CLIP2: variants seen among roughly 807,000 people sequenced by gnomAD.
The protein encoded by CLIP2 is CAP-Gly domain-containing linker protein 2.
Under a neutral mutation model 111.7 loss-of-function variants are expected in CLIP2, and 41 were observed. The ratio of observed to expected loss-of-function variants is 0.37; its 90% CI spans 0.29 to 0.48. The LOEUF (loss-of-function observed/expected upper bound fraction) is 0.48. Among genes scored for constraint, CLIP2 ranks in the 20% least tolerant of loss-of-function variants. The probability of loss-of-function intolerance (pLI) is 0.99; values close to 1 mark genes in which losing one functional copy is unlikely to be tolerated. For synonymous variants in CLIP2, 660 were observed against 644.2 expected (o/e 1.02, Z -0.37); for missense variants, 1,160 against 1,422.1 (o/e 0.82, Z 2.96).
chr7:74,394,256 T>C (rs1562729278), intron 13 of CLIP2, among the ~76,000 whole-genome samples: 1 of 147,066 alleles, frequency 6.8e-6, no homozygotes, highest in Non-Finnish European at 1.5e-5. Flanking sequence ...TTTTTTTTTT[T>C]TTTTTTTTTT....
In CLIP2 at chr7:74,349,939, T is replaced by A. The variant is rs555781786; in HGVS notation, c.679-3941T>A. Among the ~76,000 whole-genome samples, 3 of 151,776 alleles carry A rather than the reference T, an allele frequency of 2.0e-5. No individual in the cohort carries two copies. In the South Asian group the frequency reaches 6.2e-4, roughly 32 times the overall value. On this transcript the variant is annotated intron_variant, in intron 3 of 16. Transcript: ENST00000223398. ...CGTGTGATTCCATTTCTATGAAGTG[T>A]CCAGAAGAGACAAATCTGTAGCGAT...
chr7:74,389,520 G>A (rs1345046403), intron 13 of CLIP2: 7 of 285,184 alleles, frequency 2.5e-5, no homozygotes, highest in Non-Finnish European at 4.5e-5. Context: ...ACTTTGGGAG[G>A]CTGAGGCAGG....
At position 74,357,399 on chromosome 7, in the gene CLIP2, G is replaced by T; in HGVS notation, c.1137G>T (p.Arg379=). The T allele has an allele frequency of 6.2e-7, 1 of 1,613,520 alleles. No individual in the cohort carries two copies. Among genetic ancestry groups the T allele is most frequent in the East Asian group, 2.2e-5 (1 of 44,842 alleles). ...EQLLAERDLE[R]AEVAKATSHI... ...TGCTGGCTGAACGAGACCTGGAACG[G>T]GCTGAGGTGGCCAAGGCCACAAGCC... The change falls in exon 6 of 17, where the codon CGG becomes CGT. Residue 379 remains arginine (R), a synonymous_variant. Transcript: ENST00000223398.
At chr7:74,296,181 C>A (rs147321128) in intron 1 of CLIP2, among the ~76,000 whole-genome samples, 3 of 151,862 alleles carry the variant, frequency 2.0e-5, no homozygotes, top group African/African-American at 4.8e-5. Flanking sequence ...GCCATCTACA[C>A]GCCAAGGAGA....
In CLIP2 at chr7:74,349,954, T is replaced by A. The variant is rs183142743; in HGVS notation, c.679-3926T>A. Among the ~76,000 whole-genome samples the A allele has an allele frequency of 3.3e-5, 5 of 151,708 alleles. No homozygotes were observed. The East Asian group carries it at 9.8e-4, about 30-fold the overall frequency. On this transcript the variant is annotated intron_variant, in intron 3 of 16. Transcript: ENST00000223398. ...CTATGAAGTGTCCAGAAGAGACAAA[T>A]CTGTAGCGATAGGATAGAAATAGAC...
rs1231692996 is a variant in CLIP2 at position 74,338,240 on chromosome 7, G to A, written c.122-208G>A. On this transcript the variant is annotated intron_variant, in intron 2 of 16. Coordinates refer to ENST00000223398, the MANE Select transcript of CLIP2 (RefSeq NM_003388.5). This position sits in a 1 kb window ranked among gnomAD's most constrained non-coding sequence, Gnocchi z 4.3. The stretch of plus-strand genomic sequence containing the variant: ...ACAGGGGTTGGGTGTGGTGCCTCAC[G>A]CCTGTAATCCCAGCAATTTGGGAAG... 2.0e-5 allele frequency among the ~76,000 whole-genome samples: 3 copies of A among 151,984 alleles called. No individual in the cohort carries two copies. The highest frequency in any genetic ancestry group is 7.2e-5 in the African/African-American group (3 of 41,392).
chr7:74,376,600 C>T lies in CLIP2; in HGVS notation c.2199C>T (p.His733=), dbSNP rs149170607. The change falls in exon 10 of 17, where the codon CAC becomes CAT. Residue 733 remains histidine, a synonymous_variant. Transcript: ENST00000223398. This position sits in a 1 kb window ranked among gnomAD's most constrained non-coding sequence, Gnocchi z 7.1. ...GCCGGGATGCCGAGCTGCGTGTGCA[C>T]GAGCTGGAAAAACTGGACGTGGAGT... ...DQRRDAELRV[H]ELEKLDVEYR... 6.3e-5 allele frequency: 101 copies of T among 1,612,718 alleles called. 1 individual carries two copies. The highest frequency in any genetic ancestry group is 1.6e-4 in the Middle Eastern group (1 of 6,082).
At position 74,405,762 on chromosome 7, in the gene CLIP2, C is replaced by T. The variant is rs1791758175; in HGVS notation, c.*1914C>T. The stretch of plus-strand genomic sequence containing the variant: ...TGACGGGTGTCCAAGAAGCGGTTTC[C>T]TTGGGAGCTTCTGCCTCCGTGGGCC... On this transcript the variant is annotated 3_prime_UTR_variant, in exon 17 of 17. Coordinates refer to ENST00000223398, the MANE Select transcript of CLIP2 (RefSeq NM_003388.5). 1 of 152,668 alleles carries T rather than the reference C, an allele frequency of 6.6e-6. No homozygotes were observed. The highest frequency in any genetic ancestry group is 1.5e-5 in the Non-Finnish European group (1 of 68,088). 9.5% of individuals were successfully genotyped at this position (152,668 alleles called of 1,614,324 possible).
At chr7:74,383,389 G>T (rs1400127079) in intron 11 of CLIP2, among the ~76,000 whole-genome samples, 1 of 152,020 alleles carries the variant, frequency 6.6e-6, no homozygotes, top group Non-Finnish European at 1.5e-5. Flanking sequence ...CTATTCCAAT[G>T]ACTTGTTATT....
chr7:74,337,886 G>A (rs1057233697), intron 2 of CLIP2, among the ~76,000 whole-genome samples: 3 of 152,014 alleles, frequency 2.0e-5, no homozygotes, highest in African/African-American at 4.8e-5. Flanking sequence ...ATGAGCCACC[G>A]TGCCCGGCCT....
intron 11 of CLIP2, among the ~76,000 whole-genome samples, chr7:74,385,458 C>A: frequency 6.8e-6 from 1 of 146,498 alleles, no homozygotes; most frequent in Non-Finnish European, 1.5e-5. Context: ...CAATGATAAC[C>A]TGTCTCAAAA....
At chr7:74,313,513 T>C (rs1426719375) in intron 1 of CLIP2, among the ~76,000 whole-genome samples, 4 of 151,610 alleles carry the variant, frequency 2.6e-5, no homozygotes, top group Non-Finnish European at 5.9e-5. Flanking sequence ...TGAGCCGAGA[T>C]TGCGCCACTG....
In CLIP2 at chr7:74,376,592, C is replaced by A. The variant is rs782144848; in HGVS notation, c.2191C>A (p.Arg731Ser). Residue 731 changes from arginine to serine, a missense_variant, in exon 10 of 17, where the codon CGT (arginine) becomes AGT (serine). Physicochemically the swap from Arg to Ser is moderately radical, Grantham distance 110. Around this residue, in one of 5 missense-constraint regions of CLIP2, gnomAD observed 676 missense variants for 777.8 expected, o/e 0.87. Transcript: ENST00000223398. The surrounding 1 kb of genome is among the most constrained non-coding windows in gnomAD (Gnocchi z 7.1). ...AQDQRRDAEL[R>S]VHELEKLDVE... is the part of the protein sequence containing the mutation. ...GGACCAGCGCCGGGATGCCGAGCTG[C>A]GTGTGCACGAGCTGGAAAAACTGGA... 1.9e-6 allele frequency: 3 copies of A among 1,612,264 alleles called. No individual in the cohort carries two copies. In the Admixed American group the frequency reaches 5.0e-5, roughly 27 times the overall value.
At chr7:74,348,502 T>A (rs568511985) in intron 3 of CLIP2, among the ~76,000 whole-genome samples, 6 of 150,332 alleles carry the variant, frequency 4.0e-5, no homozygotes, top group African/African-American at 1.5e-4. Flanking sequence ...AAAAAAAGAA[T>A]GAGAGGGCCG....
intron 15 of CLIP2, among the ~76,000 whole-genome samples, chr7:74,401,041 C>G (rs374397424): frequency 6.8e-6 from 1 of 147,338 alleles, no homozygotes; most frequent in African/African-American, 2.5e-5. Flanking sequence ...AAAGGGAAGG[C>G]ATCTCTGTCC....
chr7:74,336,791 A>G (rs374246005), intron 2 of CLIP2, among the ~76,000 whole-genome samples: 2 of 150,792 alleles, frequency 1.3e-5, no homozygotes, highest in South Asian at 2.1e-4. Context: ...CAGATGAGCT[A>G]TCGTATGTTA....
Position 74,320,509 on chromosome 7 carries a change from G to A in CLIP2, c.121+2842G>A, listed in dbSNP as rs192856149. ...TGCACTCCAACCTGGGTGACCCAGCGAGACCCTGACTCAAAAACAAAACAA... is the reference window on the plus strand; with the variant it reads ...TGCACTCCAACCTGGGTGACCCAGCAAGACCCTGACTCAAAAACAAAACAA... On this transcript the variant is annotated intron_variant, in intron 2 of 16. Transcript: ENST00000223398. Among the ~76,000 whole-genome samples the A allele has an allele frequency of 1.7e-3, 253 of 152,184 alleles. 2 individuals are homozygous for A. Among genetic ancestry groups the A allele is most frequent in the Non-Finnish European group, 2.0e-3 (134 of 68,014 alleles).
chr7:74,397,384 C>T (rs1309426062), intron 14 of CLIP2, 151 bp downstream of exon 14: 7 of 900,888 alleles, frequency 7.8e-6, no homozygotes, highest in Non-Finnish European at 1.2e-5. Flanking sequence ...TCTAGGACCA[C>T]AGGCAGGTGG....
At chr7:74,305,873 T>C (rs770082023) in intron 1 of CLIP2, among the ~76,000 whole-genome samples, 1,059 of 32,784 alleles carry the variant, frequency 0.032, 56 homozygotes, top group African/African-American at 0.099. Flanking sequence ...CCACCGCCCC[T>C]GCTGCCAGTT....
Sources: gnomAD v4.1 joint callset for allele counts (sites outside exome capture counted in the v4.1 genomes callset) on GRCh38, gnomAD v4.1.1 for gene constraint, gnomAD v4.1.1 regional missense constraint, Gnocchi (gnomAD v3.1) non-coding constraint, MANE v1.5 for transcripts, NCBI Gene and HGNC (gene_info 2026-07-23, HGNC 2026-07-21) for gene names.